The following ANO2 variants were observed in gnomAD, a reference collection of about 807,000 sequenced individuals.
ANO2 encodes anoctamin 2.
Under a neutral mutation model 124.2 loss-of-function variants are expected in ANO2, and 101 were observed. The observed-to-expected ratio is 0.81, with a 90% CI of 0.69 to 0.96. The LOEUF is 0.96. Among genes scored for constraint, ANO2 ranks in the 40% least tolerant of loss-of-function variants. The pLI is 0.00. For synonymous variants in ANO2, 486 were observed against 482.5 expected (o/e 1.01, Z -0.09); for missense variants, 1,293 against 1,274.5 (o/e 1.01, Z -0.22).
At chr12:5,931,166 T>C (rs1194635338) in intron 1 of ANO2, among the ~76,000 whole-genome samples, 5 of 152,158 alleles carry the variant, frequency 3.3e-5, no homozygotes, top group Non-Finnish European at 7.3e-5. Context: ...CAAATTGTCA[T>C]ATATGACATA....
intron 14 of ANO2, among the ~76,000 whole-genome samples, chr12:5,674,369 A>G (rs963775399): frequency 3.3e-5 from 5 of 152,138 alleles, no homozygotes; most frequent in Non-Finnish European, 7.4e-5. Flanking sequence ...CTGGGCTCTC[A>G]TCCTAATTCT....
Position 5,721,518 on chromosome 12 carries a change from T to C in ANO2, c.1545+11002A>G, listed in dbSNP as rs1950237252. ...TTTTGGGTTTTTTTTTTTTGTTTTT[T>C]TTTAAGAGGCAGAGACTCGCTTTGT... On this transcript the variant is annotated intron_variant, in intron 14 of 24. Transcript: ENST00000682330. Among the ~76,000 whole-genome samples, 2 of 152,022 alleles carry C rather than the reference T, an allele frequency of 1.3e-5. 1 individual carries two copies.
intron 4 of ANO2, among the ~76,000 whole-genome samples, chr12:5,835,123 G>C (rs7956448): frequency 0.93 from 141,965 of 152,286 alleles, 66,345 homozygotes; most frequent in East Asian, 1. Context: ...CTTATAAATA[G>C]TTTTGATTAA....
chr12:5,791,158 C>T (rs1015031814), intron 10 of ANO2, among the ~76,000 whole-genome samples: 1 of 152,136 alleles, frequency 6.6e-6, no homozygotes. Context: ...ACTTTGCACA[C>T]AGTGCTAACT....
chr12:5,591,980 G>C (rs922501004), intron 20 of ANO2, among the ~76,000 whole-genome samples: 2 of 152,156 alleles, frequency 1.3e-5, no homozygotes, highest in African/African-American at 4.8e-5. Flanking sequence ...CTAATGACTT[G>C]ACCCCTTAGG....
rs578080900 is a variant in ANO2, at chr12:5,933,692, A to G, written c.23-10888T>C. Among the ~76,000 whole-genome samples, 24 of 152,368 alleles carry G rather than the reference A, an allele frequency of 1.6e-4. No homozygotes were observed. The East Asian group carries it at 4.4e-3, about 28-fold the overall frequency. The stretch of plus-strand genomic sequence containing the variant: ...CCAAAGACTTACACAGCTGACTGTT[A>G]CATGTCTCTGCTGCCAAATCCCTCC... On this transcript the variant is annotated intron_variant, in intron 1 of 24. Coordinates refer to ENST00000682330, the MANE Select transcript of ANO2 (RefSeq NM_001364791.2).
chr12:5,896,298 A>C (rs1939784549), intron 3 of ANO2, among the ~76,000 whole-genome samples: 1 of 152,190 alleles, frequency 6.6e-6, no homozygotes, highest in Non-Finnish European at 1.5e-5. Context: ...AAAAACAAAA[A>C]AAGTATATCT....
At chr12:5,764,793 C>T (rs1951836519) in intron 10 of ANO2, among the ~76,000 whole-genome samples, 1 of 151,876 alleles carries the variant, frequency 6.6e-6, no homozygotes, top group Non-Finnish European at 1.5e-5. Context: ...GACAGATTTC[C>T]CTAACGGCAC....
chr12:5,585,113 G>A (rs1943040485), intron 20 of ANO2, among the ~76,000 whole-genome samples: 1 of 151,932 alleles, frequency 6.6e-6, no homozygotes, highest in African/African-American at 2.4e-5. Flanking sequence ...ACTGTCACCA[G>A]CAGACCCATG....
chr12:5,669,361 G>A (rs1216183710), intron 14 of ANO2, among the ~76,000 whole-genome samples: 2 of 151,898 alleles, frequency 1.3e-5, no homozygotes. Flanking sequence ...TGGTGTATAG[G>A]AATGTTTGTG....
intron 15 of ANO2, among the ~76,000 whole-genome samples, chr12:5,637,439 G>C (rs542569799): frequency 1.3e-5 from 2 of 152,052 alleles, no homozygotes; most frequent in South Asian, 4.2e-4. Flanking sequence ...CCTTTGTTTA[G>C]GGTCTTGTGG....
At chr12:5,923,399 C>G (rs1247812956) in intron 1 of ANO2, among the ~76,000 whole-genome samples, 1 of 152,194 alleles carries the variant, frequency 6.6e-6, no homozygotes, top group Non-Finnish European at 1.5e-5. Flanking sequence ...TGGGGGGGCA[C>G]TGCCTGGAGA....
chr12:5,586,868 C>T (rs1308483749), intron 20 of ANO2, among the ~76,000 whole-genome samples: 1 of 152,178 alleles, frequency 6.6e-6, no homozygotes, highest in Non-Finnish European at 1.5e-5. Flanking sequence ...CTGAACTATC[C>T]AGATAATTGC....
At chr12:5,577,170 C>A (rs1942460332) in intron 22 of ANO2, among the ~76,000 whole-genome samples, 1 of 152,264 alleles carries the variant, frequency 6.6e-6, no homozygotes. Context: ...TACATCACAA[C>A]ATTCAAAATG....
At chr12:5,671,715 A>G (rs1164122960) in intron 14 of ANO2, among the ~76,000 whole-genome samples, 1 of 152,214 alleles carries the variant, frequency 6.6e-6, no homozygotes, top group Admixed American at 6.5e-5. Context: ...GGAGGGAAAA[A>G]TAACACAGTG....
chr12:5,922,751 T>C lies in ANO2; in HGVS notation c.76A>G (p.Arg26Gly), dbSNP rs1941772892. 9.5e-6 allele frequency: 15 copies of C among 1,585,726 alleles called. No homozygotes were observed. The highest frequency in any genetic ancestry group is 1.2e-5 in the Non-Finnish European group (14 of 1,166,460). The change falls in exon 2 of 25, where the codon AGA becomes GGA. Residue 26 changes from arginine (R) to glycine (G), a missense_variant. Transcript: ENST00000682330. Reference sequence around the variant, plus strand: ...CCATGTTTGGGGCCCTGGCCCCCTCTGGACCCTGCCTGAGGGCTCAGCCGG... The same window carrying C: ...CCATGTTTGGGGCCCTGGCCCCCTCCGGACCCTGCCTGAGGGCTCAGCCGG... Reference protein sequence around the residue: ...PRRLSPQAGSRGGQGPKHGQQ... With the variant: ...PRRLSPQAGSGGGQGPKHGQQ...
At chr12:5,565,522 G>T (rs1185691936) in intron 24 of ANO2, 36 bp downstream of exon 24, 1 of 1,527,154 alleles carries the variant, frequency 6.5e-7, no homozygotes. Flanking sequence ...CTGCAGCCCG[G>T]ATTCGAATGG....
intron 3 of ANO2, among the ~76,000 whole-genome samples, chr12:5,861,357 C>A (rs1955260919): frequency 6.6e-6 from 1 of 152,030 alleles, no homozygotes; most frequent in Non-Finnish European, 1.5e-5. Context: ...GGGGTTCGTA[C>A]CCCCAGCCAC....
At chr12:5,671,741 G>T (rs937553686) in intron 14 of ANO2, among the ~76,000 whole-genome samples, 1 of 152,142 alleles carries the variant, frequency 6.6e-6, no homozygotes, top group Non-Finnish European at 1.5e-5. Context: ...GACAATACTC[G>T]AAAGCCTAGA....
Sources: allele counts gnomAD v4.1 joint callset (sites outside exome capture counted in the v4.1 genomes callset), GRCh38; gene constraint gnomAD v4.1.1; transcripts MANE v1.5; gene names NCBI Gene and HGNC (gene_info 2026-07-23, HGNC 2026-07-21).